ATP9A: variants seen among roughly 807,000 people sequenced by gnomAD.
ATP9A encodes ATPase phospholipid transporting 9A, also known as probable phospholipid-transporting ATPase IIA.
A neutral mutation model predicts 144.1 loss-of-function variants in ATP9A; 52 were observed. The observed-to-expected ratio is 0.36, with a 90% CI of 0.29 to 0.45. The LOEUF is 0.45. Ranked by LOEUF, ATP9A falls within the 20% of genes least tolerant of loss-of-function variation. ATP9A has a pLI of 1.00. For missense variants in ATP9A, 947 were observed against 1,392.7 expected (o/e 0.68, Z 5.09); for synonymous variants, 582 against 557.4 (o/e 1.04, Z -0.62).
At chr20:51,723,929 C>G (rs112588019) in intron 3 of ATP9A, among the ~76,000 whole-genome samples, 10,283 of 152,044 alleles carry the variant, frequency 0.068, 797 homozygotes, top group African/African-American at 0.19. Flanking sequence ...CCAGCACTTT[C>G]GGAGGCCGAG....
chr20:51,748,751 C>T (rs951389811), intron 1 of ATP9A, among the ~76,000 whole-genome samples: 3 of 152,118 alleles, frequency 2.0e-5, no homozygotes, highest in African/African-American at 7.2e-5. Flanking sequence ...GGCACAAAGA[C>T]TTGTGTGACA....
At position 51,672,405 on chromosome 20, in the gene ATP9A, T is replaced by C. The variant is rs572421632; in HGVS notation, c.1038-1148A>G. Among the ~76,000 whole-genome samples the C allele has an allele frequency of 1.4e-3, 209 of 152,138 alleles. 1 individual carries two copies. Among genetic ancestry groups the C allele is most frequent in the Middle Eastern group, 0.01 (3 of 294 alleles). ...GGCTAGCCCTGGGACAAATGAAGAGTCGACTCACCAATTTTTAATCATGTT... is the reference window on the plus strand; with the variant it reads ...GGCTAGCCCTGGGACAAATGAAGAGCCGACTCACCAATTTTTAATCATGTT... On this transcript the variant is annotated intron_variant, in intron 11 of 27. Transcript: ENST00000338821.
At chr20:51,632,938 C>T (rs1226022396) in intron 15 of ATP9A, among the ~76,000 whole-genome samples, 1 of 152,180 alleles carries the variant, frequency 6.6e-6, no homozygotes, top group Non-Finnish European at 1.5e-5. Flanking sequence ...GCCTGCCCAA[C>T]ATGGTGAAAC....
At chr20:51,658,763 G>A (rs1261995697) in intron 13 of ATP9A, among the ~76,000 whole-genome samples, 8 of 151,468 alleles carry the variant, frequency 5.3e-5, no homozygotes, top group East Asian at 2.0e-4. Context: ...CAAGCGATCC[G>A]CCTGCCTCGG....
In ATP9A at chr20:51,656,962, T is replaced by C. The variant is rs1349427910; in HGVS notation, c.1482A>G (p.Val494=). 5 of 1,613,928 alleles carry C rather than the reference T, an allele frequency of 3.1e-6. No individual in the cohort carries two copies. Among genetic ancestry groups the C allele is most frequent in the African/African-American group, 2.7e-5 (2 of 74,924 alleles). The change falls in exon 14 of 28, where the codon GTA becomes GTG. Residue 494 remains valine (V), a synonymous_variant. Coordinates refer to ENST00000338821, the MANE Select transcript of ATP9A (RefSeq NM_006045.3). ...CCTCATCGGGGCTGGATGCCTGGTA[T>C]ACGCGGCAGGAGTCTTCGTACTGCT... ...AEKQYEDSCR[V]YQASSPDEVA...
chr20:51,627,630 A>G lies in ATP9A; in HGVS notation c.1815T>C (p.Ser605=), dbSNP rs1251662672. The change falls in exon 17 of 28, where the codon TCT becomes TCC. Residue 605 remains serine (S), a synonymous_variant. Coordinates refer to ENST00000338821, the MANE Select transcript of ATP9A (RefSeq NM_006045.3). ...GLRVLVVAKK[S]LAEEQYQDFE... is the part of the protein sequence containing the mutation. ...AGTCCTGATACTGCTCCTCTGCAAG[A>G]GACTTCTTTGCCACCACGAGCACCC... 1.9e-6 allele frequency: 3 copies of G among 1,614,092 alleles called. No individual in the cohort carries two copies. Among genetic ancestry groups the G allele is most frequent in the Non-Finnish European group, 2.5e-6 (3 of 1,180,034 alleles).
intron 22 of ATP9A, 150 bp downstream of exon 22, chr20:51,617,339 TC>T (rs1330755332): frequency 4.1e-5 from 33 of 802,134 alleles, no homozygotes; most frequent in Non-Finnish European, 6.8e-5. Context: ...ACCTCTATCT[TC>T]CCAGTGACAC....
rs8118419 is a variant in ATP9A, at chr20:51,692,670, C to T, written c.642+1338G>A. ...TACAAATATTAGCCGGGCGTGGTGG[C>T]GGGTGCCTGTAATCCCAGCTACTCA... is the stretch of plus-strand genomic sequence containing the variant. On this transcript the variant is annotated intron_variant, in intron 7 of 27. Coordinates refer to ENST00000338821, the MANE Select transcript of ATP9A (RefSeq NM_006045.3). Among the ~76,000 whole-genome samples the T allele has an allele frequency of 9.1e-3, 1,389 of 152,128 alleles. 20 individuals carry two copies. Among genetic ancestry groups the T allele is most frequent in the African/African-American group, 0.031 (1,302 of 41,508 alleles).
chr20:51,661,081 T>C (rs976403596), intron 13 of ATP9A, among the ~76,000 whole-genome samples: 1 of 152,032 alleles, frequency 6.6e-6, no homozygotes, highest in African/African-American at 2.4e-5. Context: ...CCTGGGCGGG[T>C]GTCTCGAATC....
chr20:51,647,997 C>G (rs981275120), intron 14 of ATP9A, among the ~76,000 whole-genome samples: 1 of 152,184 alleles, frequency 6.6e-6, no homozygotes. Flanking sequence ...AAGAATTCCC[C>G]TATAGTTCCT....
intron 14 of ATP9A, among the ~76,000 whole-genome samples, chr20:51,645,874 C>A (rs1026793318): frequency 6.6e-6 from 1 of 152,172 alleles, no homozygotes; most frequent in Non-Finnish European, 1.5e-5. Flanking sequence ...GAAATCACCC[C>A]GTAACACACA....
chr20:51,608,686 G>C (rs1601053039), intron 24 of ATP9A, 60 bp from the exon 25 acceptor site: 1 of 1,079,466 alleles, frequency 9.3e-7, no homozygotes. Flanking sequence ...TATGTGCTGT[G>C]CCAGCCTCCG....
At chr20:51,694,581 T>G (rs2122824404) in intron 6 of ATP9A, among the ~76,000 whole-genome samples, 1 of 152,216 alleles carries the variant, frequency 6.6e-6, no homozygotes, top group East Asian at 1.9e-4. Context: ...AGTTTCCTCG[T>G]GTGTAAAAGT....
intron 19 of ATP9A, among the ~76,000 whole-genome samples, chr20:51,619,456 G>C (rs941061035): frequency 6.6e-6 from 1 of 151,790 alleles, no homozygotes; most frequent in Non-Finnish European, 1.5e-5. Context: ...CTAGCTACTT[G>C]GGAGGCTGAG....
At chr20:51,725,686 A>G in intron 3 of ATP9A, 133 bp downstream of exon 3, 1 of 628,806 alleles carries the variant, frequency 1.6e-6, no homozygotes, top group Non-Finnish European at 2.9e-6. Context: ...AGAGACTCCC[A>G]ATGTATTGGC....
intron 1 of ATP9A, among the ~76,000 whole-genome samples, chr20:51,748,668 G>A (rs1480378584): frequency 1.3e-5 from 2 of 152,166 alleles, no homozygotes; most frequent in East Asian, 1.9e-4. Context: ...ACATTTTGAC[G>A]ATGCTATCAA....
intron 15 of ATP9A, among the ~76,000 whole-genome samples, chr20:51,635,755 A>G (rs1353517484): frequency 2.8e-5 from 4 of 143,298 alleles, no homozygotes; most frequent in African/African-American, 1.0e-4. Context: ...GGAAGGAAAA[A>G]GAGAAGAGAA....
At chr20:51,739,204 T>A (rs2077774696) in intron 1 of ATP9A, among the ~76,000 whole-genome samples, 1 of 152,084 alleles carries the variant, frequency 6.6e-6, no homozygotes, top group African/African-American at 2.4e-5. Context: ...CCAACTTTCT[T>A]GCCATCCAAC....
At position 51,723,563 on chromosome 20, in the gene ATP9A, C is replaced by CTT. The variant is rs753282602; in HGVS notation, c.327+2254_327+2255dup. Among the ~76,000 whole-genome samples the CTT allele has an allele frequency of 2.8e-3, 376 of 133,216 alleles. 4 individuals carry two copies. The highest frequency in any genetic ancestry group is 5.9e-3 in the East Asian group (22 of 3,738). The allele number at this position is 133,216 out of a possible 152,430, so 87.4% of individuals were successfully genotyped here. On this transcript the variant is annotated intron_variant, in intron 3 of 27. Transcript: ENST00000338821. Reference sequence around the variant, plus strand: ...ACTACAGCCTGGGCAACAGCAAATTCTTTTTTTTTTTTTTTTTTTTGAGAC... The same window carrying CTT: ...ACTACAGCCTGGGCAACAGCAAATTCTTTTTTTTTTTTTTTTTTTTTTGAGAC...
Sources: gnomAD v4.1 joint callset for allele counts (sites outside exome capture counted in the v4.1 genomes callset) on GRCh38, gnomAD v4.1.1 for gene constraint, MANE v1.5 for transcripts, NCBI Gene and HGNC (gene_info 2026-07-23, HGNC 2026-07-21) for gene names.